The following DMD variants were observed in gnomAD, a reference collection of about 807,000 sequenced individuals.
DMD encodes the protein dystrophin.
DMD carries 63 observed loss-of-function variants against 330.1 expected under a neutral mutation model. The observed-to-expected ratio is 0.19, with a 90% CI of 0.16 to 0.24. The LOEUF (loss-of-function observed/expected upper bound fraction) is 0.24, where lower values mean the gene tolerates loss of function less well. DMD is among the 10% of genes least tolerant of loss of function. DMD has a pLI of 1.00. For missense variants in DMD, 3,344 were observed against 2,684.1 expected, an observed-to-expected ratio of 1.25 and a Z score of -5.43; for synonymous variants, 1,223 against 959.8, an observed-to-expected ratio of 1.27 and a Z score of -5.07.
At chrX:31,595,977 C>T (rs765700133) in intron 55 of DMD, among the ~76,000 whole-genome samples, 14 of 110,842 alleles carry the variant, frequency 1.3e-4, no homozygotes, top group Admixed American at 5.8e-4. Flanking sequence ...ATGCTATAAG[C>T]TATAATAAAA....
Position 31,875,357 on chromosome X carries a change from G to A in DMD, c.6929C>T (p.Pro2310Leu). Residue 2310 changes from proline to leucine, a missense_variant, in exon 48 of 79, where the codon CCT (proline) becomes CTT (leucine). Coordinates refer to ENST00000357033, the MANE Select transcript of DMD (RefSeq NM_004006.3). ...LQWIKVSRAL[P>L]EKQGEIEAQI... Reference sequence around the variant, plus strand: ...AGCTTCAATTTCTCCTTGTTTCTCAGGTAAAGCTCTGGAAACCTGAAAGGA... The same window carrying A: ...AGCTTCAATTTCTCCTTGTTTCTCAAGTAAAGCTCTGGAAACCTGAAAGGA... 1 of 1,190,544 alleles carries A rather than the reference G, an allele frequency of 8.4e-7. No individual in the cohort carries two copies. The highest frequency in any genetic ancestry group is 1.8e-5 in the African/African-American group (1 of 56,704).
intron 44 of DMD, among the ~76,000 whole-genome samples, chrX:32,193,277 T>C (rs2096983934): frequency 8.9e-6 from 1 of 111,926 alleles, no homozygotes; most frequent in Non-Finnish European, 1.9e-5. Flanking sequence ...TTTATAGCAA[T>C]GCAAGAAAAG....
intron 2 of DMD, among the ~76,000 whole-genome samples, chrX:32,958,813 T>A (rs902912014): frequency 9.0e-6 from 1 of 111,122 alleles, no homozygotes; most frequent in Non-Finnish European, 1.9e-5. Flanking sequence ...GTTACCCAGA[T>A]AAACTATTGT....
At chrX:31,354,974 C>T (rs2058597689) in intron 60 of DMD, among the ~76,000 whole-genome samples, 1 of 111,783 alleles carries the variant, frequency 8.9e-6, no homozygotes, top group Admixed American at 9.5e-5. Context: ...GACACACACT[C>T]TTAATTCCAA....
At chrX:31,202,134 C>T (rs2043544923) in intron 67 of DMD, among the ~76,000 whole-genome samples, 1 of 110,965 alleles carries the variant, frequency 9.0e-6, no homozygotes, top group South Asian at 3.8e-4. Context: ...TGCAGTGAGC[C>T]GAGATCGCGC....
At chrX:31,724,595 C>G (rs891323827) in intron 52 of DMD, among the ~76,000 whole-genome samples, 2 of 111,707 alleles carry the variant, frequency 1.8e-5, no homozygotes, top group African/African-American at 6.5e-5. Flanking sequence ...CCTCTTAAAA[C>G]TTGGAATTCT....
At chrX:32,138,407 C>T (rs2096737547) in intron 44 of DMD, among the ~76,000 whole-genome samples, 1 of 111,700 alleles carries the variant, frequency 9.0e-6, no homozygotes, top group Non-Finnish European at 1.9e-5. Flanking sequence ...ATAACACCTA[C>T]AGCTTTGCAG....
chrX:31,411,605 T>C (rs148642658), intron 60 of DMD, among the ~76,000 whole-genome samples: 1,774 of 111,282 alleles, frequency 0.016, 27 homozygotes, highest in East Asian at 0.15. Context: ...AAGGAGGTTG[T>C]ATGTTGTCTA....
At chrX:33,276,311 T>C (rs1008368032) in intron 1 of DMD, among the ~76,000 whole-genome samples, 10 of 109,243 alleles carry the variant, frequency 9.2e-5, no homozygotes, top group African/African-American at 3.5e-4. Context: ...TGGAGTATTT[T>C]TTTTTAATTA....
intron 9 of DMD, among the ~76,000 whole-genome samples, chrX:32,653,238 C>G (rs896738619): frequency 3.4e-4 from 38 of 111,922 alleles, no homozygotes; most frequent in African/African-American, 1.2e-3. Context: ...TTACCCATGC[C>G]TATGTCCTGA....
At chrX:32,167,604 A>C (rs2096872817) in intron 44 of DMD, among the ~76,000 whole-genome samples, 2 of 112,544 alleles carry the variant, frequency 1.8e-5, no homozygotes, top group South Asian at 7.3e-4. Flanking sequence ...TTTACACATC[A>C]TCGTAAACCA....
chrX:31,182,696 A>C (rs1480970243), intron 68 of DMD, 42 bp downstream of exon 68: 3 of 1,150,431 alleles, frequency 2.6e-6, no homozygotes, highest in Non-Finnish European at 3.5e-6. Context: ...AAGGTGAAAA[A>C]TGATGAGAAA....
chrX:31,708,720 T>G (rs188001953), intron 52 of DMD, among the ~76,000 whole-genome samples: 23 of 112,246 alleles, frequency 2.0e-4, no homozygotes, highest in African/African-American at 5.8e-4. Flanking sequence ...ATTAGTATTA[T>G]AAAATGCATT....
chrX:31,721,708 C>T (rs1449021693), intron 52 of DMD, among the ~76,000 whole-genome samples: 1 of 49,218 alleles, frequency 2.0e-5, no homozygotes, highest in African/African-American at 1.2e-4. Flanking sequence ...CTCTCTCTCT[C>T]TCTCTCTCTC....
At chrX:31,700,996 A>C (rs1172840288) in intron 52 of DMD, among the ~76,000 whole-genome samples, 1 of 112,013 alleles carries the variant, frequency 8.9e-6, no homozygotes, top group Non-Finnish European at 1.9e-5. Flanking sequence ...CTAACAACTC[A>C]AAAGTGTTCA....
At chrX:31,212,598 T>G (rs1420673032) in intron 64 of DMD, among the ~76,000 whole-genome samples, 1 of 111,757 alleles carries the variant, frequency 8.9e-6, no homozygotes, top group Admixed American at 9.5e-5. Flanking sequence ...TAGCTAACTC[T>G]TGCTATTCCT....
At chrX:32,461,978 A>G (rs771111778) in intron 25 of DMD, among the ~76,000 whole-genome samples, 1 of 109,267 alleles carries the variant, frequency 9.2e-6, no homozygotes, top group South Asian at 3.9e-4. Flanking sequence ...TTTTTTTTTC[A>G]TTTTCAAATG....
intron 9 of DMD, among the ~76,000 whole-genome samples, chrX:32,677,610 T>C (rs897878417): frequency 1.1e-4 from 12 of 111,653 alleles, no homozygotes; most frequent in Non-Finnish European, 1.9e-4. Flanking sequence ...TACAAGAAAA[T>C]ACCCACCTTT....
At chrX:32,077,079 C>A (rs1399710687) in intron 44 of DMD, among the ~76,000 whole-genome samples, 2 of 111,637 alleles carry the variant, frequency 1.8e-5, no homozygotes, top group African/African-American at 6.5e-5. Context: ...GATCCATTTG[C>A]ATAAAATTCA....
Sources: gnomAD v4.1 joint callset for allele counts (sites outside exome capture counted in the v4.1 genomes callset) on GRCh38, gnomAD v4.1.1 for gene constraint, MANE v1.5 for transcripts, NCBI Gene and HGNC (gene_info 2026-07-23, HGNC 2026-07-21) for gene names.